NCKAP5: variants seen among roughly 807,000 people sequenced by gnomAD.
NCKAP5 encodes NCK associated protein 5.
Under a neutral mutation model 167.0 loss-of-function variants are expected in NCKAP5, and 92 were observed. That is an observed-to-expected ratio of 0.55 (90% confidence interval 0.47 to 0.66). The LOEUF (loss-of-function observed/expected upper bound fraction) is 0.66, where lower values mean the gene tolerates loss of function less well. NCKAP5 is among the 30% of genes least tolerant of loss of function. The probability of loss-of-function intolerance (pLI) is 0.00; values close to 1 mark genes in which losing one functional copy is unlikely to be tolerated. For synonymous variants in NCKAP5, 891 were observed against 877.4 expected (o/e 1.02, Z -0.27); for missense variants, 2,378 against 2,315.0 (o/e 1.03, Z -0.56).
At chr2:132,709,146 C>T (rs1490012712) in intron 19 of NCKAP5, among the ~76,000 whole-genome samples, 1 of 136,770 alleles carries the variant, frequency 7.3e-6, no homozygotes, top group Non-Finnish European at 1.5e-5. Flanking sequence ...ATAATATCTA[C>T]ACCCCCCCAC....
intron 3 of NCKAP5, among the ~76,000 whole-genome samples, chr2:133,444,353 A>AAGATAGATATAT (rs1691047520): frequency 1.4e-5 from 2 of 147,694 alleles, no homozygotes; most frequent in African/African-American, 5.0e-5. Flanking sequence ...GACAAAAACA[A>AAGATAGATATAT]AGATAGATAG....
chr2:133,618,147 A>G, the NCKAP5 span, among the ~76,000 whole-genome samples: 2 of 151,954 alleles, frequency 1.3e-5, no homozygotes, highest in Non-Finnish European at 2.9e-5. Context: ...TTATACAAAA[A>G]TCAATTCAAG....
At chr2:133,084,688 C>T (rs1227605510) in intron 6 of NCKAP5, among the ~76,000 whole-genome samples, 3 of 152,164 alleles carry the variant, frequency 2.0e-5, no homozygotes, top group Non-Finnish European at 4.4e-5. Context: ...AAATAAACTT[C>T]ATACATCAAG....
chr2:133,414,635 T>C (rs373241586), intron 3 of NCKAP5, among the ~76,000 whole-genome samples: 1 of 152,182 alleles, frequency 6.6e-6, no homozygotes, highest in East Asian at 1.9e-4. Flanking sequence ...CTGCTCAATA[T>C]ATGGTCCAAC....
At chr2:133,399,930 C>G (rs191846623) in intron 3 of NCKAP5, among the ~76,000 whole-genome samples, 1 of 152,124 alleles carries the variant, frequency 6.6e-6, no homozygotes, top group Non-Finnish European at 1.5e-5. Context: ...ATTTTTGGCT[C>G]CTATTAAATT....
At chr2:133,229,078 C>G (rs1160101725) in intron 4 of NCKAP5, among the ~76,000 whole-genome samples, 1 of 152,182 alleles carries the variant, frequency 6.6e-6, no homozygotes, top group African/African-American at 2.4e-5. Flanking sequence ...AGAAAAAATT[C>G]TTAGATGTGT....
intron 8 of NCKAP5, among the ~76,000 whole-genome samples, chr2:132,902,540 G>C (rs887778138): frequency 1.3e-5 from 2 of 152,216 alleles, no homozygotes; most frequent in African/African-American, 4.8e-5. Flanking sequence ...ATCCTGTAGA[G>C]TACATTAAAA....
rs374518817 is a variant in NCKAP5, at chr2:132,770,281, C to T, written c.5128+3535G>A. ...TTGATGACATTGTTGATCTGCTACA[C>T]ATCTCTTTCATGTTTGCCTTCCTCC... is the stretch of plus-strand genomic sequence containing the variant. On this transcript the variant is annotated intron_variant, in intron 16 of 19. Coordinates refer to ENST00000409261, the MANE Select transcript of NCKAP5 (RefSeq NM_207363.3). Among the ~76,000 whole-genome samples, 18 of 151,590 alleles carry T rather than the reference C, an allele frequency of 1.2e-4. No individual in the cohort carries two copies. In the East Asian group the frequency reaches 3.1e-3, roughly 26 times the overall value.
chr2:133,168,660 C>T (rs1482001372), intron 5 of NCKAP5, among the ~76,000 whole-genome samples: 1 of 152,080 alleles, frequency 6.6e-6, no homozygotes, highest in Non-Finnish European at 1.5e-5. Context: ...ACACTAGAAG[C>T]TAAGACCCCA....
At chr2:133,306,456 TA>T (rs1360308300) in intron 3 of NCKAP5, among the ~76,000 whole-genome samples, 5 of 152,228 alleles carry the variant, frequency 3.3e-5, no homozygotes, top group Admixed American at 3.3e-4. Flanking sequence ...GTAAGCATTT[TA>T]GAAAGAGCCT....
At chr2:132,854,776 T>C (rs1689332159) in intron 11 of NCKAP5, among the ~76,000 whole-genome samples, 1 of 152,170 alleles carries the variant, frequency 6.6e-6, no homozygotes, top group Non-Finnish European at 1.5e-5. Context: ...TGACATTACT[T>C]TGGGTGCTCC....
chr2:132,956,729 A>T (rs1040333031), intron 8 of NCKAP5, among the ~76,000 whole-genome samples: 1 of 152,072 alleles, frequency 6.6e-6, no homozygotes, highest in Non-Finnish European at 1.5e-5. Flanking sequence ...CCCATCAGAA[A>T]CTGTTGTTAC....
chr2:133,640,090 A>G, the NCKAP5 span, among the ~76,000 whole-genome samples: 2 of 152,232 alleles, frequency 1.3e-5, no homozygotes, highest in Non-Finnish European at 2.9e-5. Context: ...TAAGGACATG[A>G]TAATGATCAA....
At chr2:133,651,535 G>A in the NCKAP5 span, among the ~76,000 whole-genome samples, 1 of 152,148 alleles carries the variant, frequency 6.6e-6, no homozygotes, top group Non-Finnish European at 1.5e-5. Flanking sequence ...TGAGGCTGTG[G>A]AGAAATAGAA....
intron 6 of NCKAP5, among the ~76,000 whole-genome samples, chr2:133,003,899 G>C (rs2077871361): frequency 6.6e-6 from 1 of 152,196 alleles, no homozygotes; most frequent in Non-Finnish European, 1.5e-5. Flanking sequence ...AGGCAGGCTT[G>C]CACTGATCCT....
At chr2:133,621,232 C>A in the NCKAP5 span, among the ~76,000 whole-genome samples, 50 of 151,948 alleles carry the variant, frequency 3.3e-4, no homozygotes, top group Middle Eastern at 6.8e-3. Context: ...CAAGTACAAT[C>A]CAAACCCAAA....
chr2:133,586,588 T>C, the NCKAP5 span, among the ~76,000 whole-genome samples: 2 of 152,178 alleles, frequency 1.3e-5, no homozygotes, highest in African/African-American at 4.8e-5. Context: ...CATCTTCACA[T>C]AGATGTGAAG....
rs576089330 is a variant in NCKAP5 at position 133,305,347 on chromosome 2, G to A, written c.70-2237C>T. On this transcript the variant is annotated intron_variant, in intron 3 of 19. Coordinates refer to ENST00000409261, the MANE Select transcript of NCKAP5 (RefSeq NM_207363.3). ...TGGTCACATTATTAAATCTCTCTAAGCCTTAGTTTCTTCATCTTCGTCAGA... is the reference window on the plus strand; with the variant it reads ...TGGTCACATTATTAAATCTCTCTAAACCTTAGTTTCTTCATCTTCGTCAGA... 2.8e-4 allele frequency among the ~76,000 whole-genome samples: 42 copies of A among 152,218 alleles called. No homozygotes were observed. The South Asian group carries it at 3.1e-3, about 11-fold the overall frequency.
intron 3 of NCKAP5, among the ~76,000 whole-genome samples, chr2:133,351,638 C>T (rs1450767298): frequency 1.3e-5 from 2 of 152,138 alleles, no homozygotes; most frequent in Non-Finnish European, 2.9e-5. Context: ...GGAGGTAATG[C>T]TCTTCACCTG....
Sources: gnomAD v4.1 joint callset for allele counts (sites outside exome capture counted in the v4.1 genomes callset) on GRCh38, gnomAD v4.1.1 for gene constraint, MANE v1.5 for transcripts, NCBI Gene and HGNC (gene_info 2026-07-23, HGNC 2026-07-21) for gene names.